SMYD3: variants seen among roughly 807,000 people sequenced by gnomAD.
The protein encoded by SMYD3 is histone-lysine N-methyltransferase SMYD3.
In SMYD3, 36 loss-of-function variants were observed where a neutral mutation model predicts 57.7. That is an observed-to-expected ratio of 0.62 (90% confidence interval 0.48 to 0.82). The LOEUF is 0.82. Among genes scored for constraint, SMYD3 ranks in the 40% least tolerant of loss-of-function variants. The probability of loss-of-function intolerance (pLI) is 0.00; values close to 1 mark genes in which losing one functional copy is unlikely to be tolerated. For missense variants in SMYD3, 515 were observed against 538.8 expected (o/e 0.96, Z 0.44); for synonymous variants, 211 against 195.0 (o/e 1.08, Z -0.68).
At chr1:246,038,486 G>A (rs969523209) in intron 5 of SMYD3, among the ~76,000 whole-genome samples, 1 of 152,088 alleles carries the variant, frequency 6.6e-6, no homozygotes, top group Admixed American at 6.5e-5. Flanking sequence ...GCATCCTGGT[G>A]GGAGCCAGGA....
At chr1:246,207,635 CAACTT>C (rs1458132426) in intron 5 of SMYD3, among the ~76,000 whole-genome samples, 4 of 152,020 alleles carry the variant, frequency 2.6e-5, no homozygotes, top group African/African-American at 9.7e-5. Context: ...AAGAAACGTA[CAACTT>C]AACTAAAACA....
intron 1 of SMYD3, among the ~76,000 whole-genome samples, chr1:246,466,999 C>A (rs7520007): frequency 0.43 from 65,369 of 150,852 alleles, 14,845 homozygotes; most frequent in Middle Eastern, 0.64. Context: ...AAAACCTCAT[C>A]TCTACTAAAA....
At chr1:246,393,674 TA>T (rs796510890) in intron 1 of SMYD3, among the ~76,000 whole-genome samples, 6,157 of 92,290 alleles carry the variant, frequency 0.067, 192 homozygotes, top group Middle Eastern at 0.18. Flanking sequence ...CCCCCATCTC[TA>T]AAAAAAAAAA....
At chr1:246,445,624 T>G (rs1240463301) in intron 1 of SMYD3, among the ~76,000 whole-genome samples, 1 of 152,070 alleles carries the variant, frequency 6.6e-6, no homozygotes, top group Non-Finnish European at 1.5e-5. Flanking sequence ...GAAAACGAAC[T>G]TAGGAGGGCT....
rs545819575 is a variant in SMYD3 at position 246,230,679 on chromosome 1, T to C, written c.531+96522A>G. ...ATCATAATCTTTGTGCCTCTCTTGA[T>C]TGAGAAGAAATTCTCCCAGAGCAGA... On this transcript the variant is annotated intron_variant, in intron 5 of 11. Coordinates refer to ENST00000490107, the MANE Select transcript of SMYD3 (RefSeq NM_001167740.2). 5.3e-5 allele frequency among the ~76,000 whole-genome samples: 8 copies of C among 152,336 alleles called. No homozygotes were observed. In the East Asian group the frequency reaches 1.5e-3, roughly 29 times the overall value.
At chr1:246,459,151 C>A (rs138983452) in intron 1 of SMYD3, among the ~76,000 whole-genome samples, 5 of 152,248 alleles carry the variant, frequency 3.3e-5, no homozygotes, top group Non-Finnish European at 7.4e-5. Flanking sequence ...GTAGCACGTC[C>A]CCCTTCACTC....
chr1:246,101,063 G>T (rs1220796141), intron 5 of SMYD3, among the ~76,000 whole-genome samples: 4 of 92,954 alleles, frequency 4.3e-5, no homozygotes, highest in Non-Finnish European at 7.7e-5. Context: ...TATTTTTAGG[G>T]GTTTTTTGTT....
At chr1:246,497,588 G>A (rs1273699110) in intron 1 of SMYD3, among the ~76,000 whole-genome samples, 1 of 152,252 alleles carries the variant, frequency 6.6e-6, no homozygotes, top group African/African-American at 2.4e-5. Flanking sequence ...AGGTGCTACA[G>A]ATGGTAGCAT....
At chr1:246,443,879 C>G (rs1265360420) in intron 1 of SMYD3, among the ~76,000 whole-genome samples, 1 of 152,114 alleles carries the variant, frequency 6.6e-6, no homozygotes, top group East Asian at 1.9e-4. Context: ...ATCAATAAAT[C>G]AAATAAAACT....
intron 7 of SMYD3, among the ~76,000 whole-genome samples, chr1:245,926,646 C>T (rs1459445673): frequency 1.3e-5 from 2 of 152,162 alleles, no homozygotes; most frequent in Admixed American, 6.5e-5. Flanking sequence ...GACTGGCAGC[C>T]GAGCCTAGGA....
At chr1:246,150,499 G>A (rs2061924540) in intron 5 of SMYD3, among the ~76,000 whole-genome samples, 1 of 152,180 alleles carries the variant, frequency 6.6e-6, no homozygotes, top group South Asian at 2.1e-4. Flanking sequence ...ACAAAGGTAT[G>A]CTGAAGCATT....
At chr1:245,969,511 G>A (rs2058242149) in intron 5 of SMYD3, among the ~76,000 whole-genome samples, 1 of 152,186 alleles carries the variant, frequency 6.6e-6, no homozygotes, top group African/African-American at 2.4e-5. Context: ...TTGCCATCCT[G>A]TTGTAAATCA....
intron 5 of SMYD3, among the ~76,000 whole-genome samples, chr1:245,989,562 T>C (rs10924423): frequency 0.52 from 78,569 of 152,168 alleles, 23,724 homozygotes; most frequent in Middle Eastern, 0.69. Flanking sequence ...ATTCATTCAA[T>C]GCCACATGAG....
chr1:245,755,576 C>T (rs2045570168), intron 11 of SMYD3, among the ~76,000 whole-genome samples: 1 of 152,148 alleles, frequency 6.6e-6, no homozygotes, highest in African/African-American at 2.4e-5. Flanking sequence ...TTGTTTGGTG[C>T]ATACATATTT....
chr1:245,882,646 T>C (rs1217104880), intron 8 of SMYD3, among the ~76,000 whole-genome samples: 1 of 152,176 alleles, frequency 6.6e-6, no homozygotes, highest in Non-Finnish European at 1.5e-5. Flanking sequence ...CCAGTTCTTA[T>C]TCAGTTACAC....
chr1:246,379,872 C>A (rs943372678), intron 1 of SMYD3, among the ~76,000 whole-genome samples: 3 of 151,962 alleles, frequency 2.0e-5, no homozygotes, highest in African/African-American at 7.3e-5. Context: ...TGGTGACACA[C>A]ACCTGTAATC....
At chr1:245,761,221 TG>T (rs2045829943) in intron 11 of SMYD3, among the ~76,000 whole-genome samples, 1 of 152,160 alleles carries the variant, frequency 6.6e-6, no homozygotes, top group Non-Finnish European at 1.5e-5. Context: ...ACCTTTCATT[TG>T]GCATCTATCA....
intron 10 of SMYD3, among the ~76,000 whole-genome samples, chr1:245,787,576 C>G (rs564778465): frequency 2.0e-5 from 3 of 151,982 alleles, no homozygotes; most frequent in African/African-American, 7.2e-5. Context: ...CCTCTTTACC[C>G]AGTCAAAACT....
chr1:246,353,880 C>T (rs2065870993), intron 2 of SMYD3, among the ~76,000 whole-genome samples: 2 of 152,234 alleles, frequency 1.3e-5, no homozygotes, highest in Non-Finnish European at 2.9e-5. Flanking sequence ...CTGAGGCCCA[C>T]ACAGTGTGTG....
Sources: gnomAD v4.1 joint callset for allele counts (sites outside exome capture counted in the v4.1 genomes callset) on GRCh38, gnomAD v4.1.1 for gene constraint, MANE v1.5 for transcripts, NCBI Gene and HGNC (gene_info 2026-07-23, HGNC 2026-07-21) for gene names.